Variants in TANK observed in about 807,000 individuals in gnomAD.
TANK encodes the protein TRAF family member-associated NF-kappa-B activator.
Under a neutral mutation model 43.6 loss-of-function variants are expected in TANK, and 15 were observed. That is an observed-to-expected ratio of 0.34 (90% confidence interval 0.23 to 0.53). The LOEUF (loss-of-function observed/expected upper bound fraction) is 0.53, where lower values mean the gene tolerates loss of function less well. Among genes scored for constraint, TANK ranks in the 20% least tolerant of loss-of-function variants. The pLI is 0.94. For synonymous variants in TANK, 162 were observed against 178.2 expected (o/e 0.91, Z 0.73); for missense variants, 417 against 498.6 (o/e 0.84, Z 1.56).
intron 4 of TANK, among the ~76,000 whole-genome samples, chr2:161,218,457 C>T (rs1021607756): frequency 2.1e-4 from 32 of 152,140 alleles, no homozygotes; most frequent in Admixed American, 1.3e-4. Context: ...ACAGCTACTC[C>T]GCCTGCCAAA....
chr2:161,151,882 AT>A (rs1684090994), intron 1 of TANK, among the ~76,000 whole-genome samples: 4 of 152,036 alleles, frequency 2.6e-5, no homozygotes, highest in Admixed American at 2.6e-4. Flanking sequence ...CTTATTTTGT[AT>A]TTTAGCTTAT....
At chr2:161,210,576 A>T (rs1187038908) in intron 4 of TANK, among the ~76,000 whole-genome samples, 1 of 152,024 alleles carries the variant, frequency 6.6e-6, no homozygotes, top group African/African-American at 2.4e-5. Context: ...AGGCACCTGT[A>T]ATCCCAGCCA....
chr2:161,176,294 C>T (rs1352033071), intron 1 of TANK, among the ~76,000 whole-genome samples: 1 of 152,056 alleles, frequency 6.6e-6, no homozygotes, highest in Non-Finnish European at 1.5e-5. Flanking sequence ...TAGCTGAGTC[C>T]CAGAGACTTT....
chr2:161,179,503 T>G, intron 1 of TANK, 111 bp from the exon 2 acceptor site: 1 of 884,026 alleles, frequency 1.1e-6, no homozygotes, highest in Non-Finnish European at 1.6e-6. Flanking sequence ...TTTATAGTAC[T>G]TGGTGGTATA....
At chr2:161,216,237 G>C (rs1182613139) in intron 4 of TANK, among the ~76,000 whole-genome samples, 2 of 152,062 alleles carry the variant, frequency 1.3e-5, no homozygotes, top group Non-Finnish European at 2.9e-5. Flanking sequence ...ATATTATAGG[G>C]AGCCACTGAC....
At chr2:161,197,712 C>T (rs1338226262) in intron 2 of TANK, among the ~76,000 whole-genome samples, 1 of 151,872 alleles carries the variant, frequency 6.6e-6, no homozygotes, top group Non-Finnish European at 1.5e-5. Flanking sequence ...GGATGGAGGG[C>T]AAAAAGGACT....
chr2:161,221,767 T>C (rs1687356835), intron 4 of TANK, among the ~76,000 whole-genome samples: 1 of 152,078 alleles, frequency 6.6e-6, no homozygotes, highest in Non-Finnish European at 1.5e-5. Context: ...TACTAACAGC[T>C]TTATTTGGCA....
At chr2:161,209,689 G>C (rs1686795008) in intron 4 of TANK, among the ~76,000 whole-genome samples, 1 of 152,058 alleles carries the variant, frequency 6.6e-6, no homozygotes, top group South Asian at 2.1e-4. Flanking sequence ...TTTGATGCAA[G>C]AAAATATGTA....
At chr2:161,139,829 T>G in intron 1 of TANK, 1 of 985,430 alleles carries the variant, frequency 1.0e-6, no homozygotes, top group African/African-American at 1.7e-5. Context: ...TCCTACGCTT[T>G]GTGCAAAAAG....
At chr2:161,232,800 G>C (rs1687985416) in intron 7 of TANK, 1 of 1,550,456 alleles carries the variant, frequency 6.4e-7, no homozygotes, top group African/African-American at 1.4e-5. Context: ...TACAGCAAGG[G>C]AAACAGCTGG....
At chr2:161,225,110 T>G (rs574695311) in intron 6 of TANK, among the ~76,000 whole-genome samples, 1 of 152,338 alleles carries the variant, frequency 6.6e-6, no homozygotes, top group Admixed American at 6.5e-5. Flanking sequence ...TGTTAATAAG[T>G]GACCTTGAAG....
chr2:161,177,607 C>A (rs1017728899), intron 1 of TANK, among the ~76,000 whole-genome samples: 7 of 151,980 alleles, frequency 4.6e-5, no homozygotes, highest in Non-Finnish European at 8.8e-5. Flanking sequence ...ATCTTCATGA[C>A]CCTGGATTAG....
chr2:161,170,860 C>CT (rs1186091285), intron 1 of TANK, among the ~76,000 whole-genome samples: 1 of 152,188 alleles, frequency 6.6e-6, no homozygotes, highest in Non-Finnish European at 1.5e-5. Context: ...TACTTCAACT[C>CT]TGATTTTATC....
intron 4 of TANK, among the ~76,000 whole-genome samples, chr2:161,216,967 T>C (rs1687143738): frequency 6.6e-6 from 1 of 152,230 alleles, no homozygotes; most frequent in Non-Finnish European, 1.5e-5. Flanking sequence ...TTTTTCTTAC[T>C]TTATAGACGG....
At chr2:161,213,244 A>T (rs978232170) in intron 4 of TANK, among the ~76,000 whole-genome samples, 1 of 152,320 alleles carries the variant, frequency 6.6e-6, no homozygotes, top group Admixed American at 6.5e-5. Flanking sequence ...GGCGACAAGT[A>T]TCCAAACTAT....
At chr2:161,218,859 T>C (rs1368508110) in intron 4 of TANK, among the ~76,000 whole-genome samples, 1 of 152,124 alleles carries the variant, frequency 6.6e-6, no homozygotes, top group African/African-American at 2.4e-5. Context: ...CCCAGGCTGG[T>C]TTCAAACTCC....
chr2:161,188,842 T>A (rs914219167), intron 2 of TANK, among the ~76,000 whole-genome samples: 13 of 152,204 alleles, frequency 8.5e-5, no homozygotes, highest in African/African-American at 3.1e-4. Context: ...TAAGAGATGA[T>A]TAGGCCATGA....
intron 1 of TANK, chr2:161,137,261 T>A (rs1026337043): frequency 1.0e-6 from 1 of 984,768 alleles, no homozygotes; most frequent in Non-Finnish European, 1.2e-6. Context: ...TGGTGGGTCA[T>A]GCCTATAATC....
chr2:161,219,774 A>G (rs1173838213), intron 4 of TANK: 3 of 459,052 alleles, frequency 6.5e-6, no homozygotes, highest in Non-Finnish European at 4.5e-6. Context: ...CAGTATATGT[A>G]GACTGGTAAG....
Sources: allele counts gnomAD v4.1 joint callset (sites outside exome capture counted in the v4.1 genomes callset), GRCh38; gene constraint gnomAD v4.1.1; transcripts MANE v1.5; gene names NCBI Gene and HGNC (gene_info 2026-07-23, HGNC 2026-07-21).